Variants in RBMS2 observed in about 807,000 individuals in gnomAD.
RBMS2 encodes the protein RNA binding motif single stranded interacting protein 2.
In RBMS2, 38 loss-of-function variants were observed where a neutral mutation model predicts 58.4. The observed-to-expected ratio is 0.65, with a 90% CI of 0.50 to 0.85. RBMS2 has a LOEUF of 0.85. Ranked by LOEUF, RBMS2 falls within the 40% of genes least tolerant of loss-of-function variation. RBMS2 has a pLI of 0.00. For synonymous variants in RBMS2, 151 were observed against 180.7 expected, an observed-to-expected ratio of 0.84 and a Z score of 1.32; for missense variants, 367 against 503.7, an observed-to-expected ratio of 0.73 and a Z score of 2.60.
Position 56,581,280 on chromosome 12 carries a change from T to G in RBMS2, c.622+17T>G, listed in dbSNP as rs764403849. The G allele has an allele frequency of 8.2e-6, 13 of 1,592,300 alleles. No homozygotes were observed. In the Admixed American group the frequency reaches 2.2e-4, roughly 27 times the overall value. ...GAGTACCAGGTGAGGCATCTGGGGCTCAGGCTGAGAGGGCCACAGGTTGTT... is the reference window on the plus strand; with the variant it reads ...GAGTACCAGGTGAGGCATCTGGGGCGCAGGCTGAGAGGGCCACAGGTTGTT... On this transcript the variant is annotated intron_variant, in intron 6 of 13. Transcript: ENST00000262031.
chr12:56,523,235 A>G (rs1490899368), intron 1 of RBMS2, among the ~76,000 whole-genome samples: 1 of 152,182 alleles, frequency 6.6e-6, no homozygotes, highest in African/African-American at 2.4e-5. Flanking sequence ...AGAGGATACA[A>G]AGTAGTAGAT....
intron 9 of RBMS2, among the ~76,000 whole-genome samples, chr12:56,584,974 C>T (rs1592508190): frequency 6.6e-6 from 1 of 152,080 alleles, no homozygotes; most frequent in African/African-American, 2.4e-5. Flanking sequence ...CAGGCATATG[C>T]CACCATGCCT....
At chr12:56,578,552 G>A (rs1179388518) in intron 5 of RBMS2, among the ~76,000 whole-genome samples, 2 of 152,200 alleles carry the variant, frequency 1.3e-5, no homozygotes, top group African/African-American at 2.4e-5. Context: ...GTTTATTACT[G>A]TAACAAGGGA....
At position 56,593,287 on chromosome 12, in the gene RBMS2, CTGGGACT is replaced by C. The variant is rs1885437867; in HGVS notation, c.*4155_*4161del. ...CACCCCTTCCCCGGCCACCAAGTAG[CTGGGACT>C]ATGGGCTTGTGCCACCATGCCTGGC... On this transcript the variant is annotated 3_prime_UTR_variant, in exon 14 of 14. Coordinates refer to ENST00000262031, the MANE Select transcript of RBMS2 (RefSeq NM_002898.4). The C allele has an allele frequency of 1.3e-5, 2 of 152,180 alleles. No individual in the cohort carries two copies. Among genetic ancestry groups the C allele is most frequent in the African/African-American group, 2.4e-5 (1 of 41,362 alleles). 9.4% of individuals were successfully genotyped at this position (152,180 alleles called of 1,614,324 possible).
At position 56,562,441 on chromosome 12, in the gene RBMS2, A is replaced by T. The variant is rs773548497; in HGVS notation, c.91A>T (p.Met31Leu). The T allele has an allele frequency of 6.2e-7, 1 of 1,606,882 alleles. No homozygotes were observed. The highest frequency in any genetic ancestry group is 2.2e-5 in the East Asian group (1 of 44,834). ...GCCATATGTGTCATTGGCTCAGCAG[A>T]TGGCACCACCTAGCCCAAGCAACAG... ...KKPYVSLAQQMAPPSPSNSTP... is the reference protein window; with the variant it reads ...KKPYVSLAQQLAPPSPSNSTP... Residue 31 changes from methionine to leucine, a missense_variant, in exon 2 of 14, where the codon ATG becomes TTG. Around this residue, in one of 3 missense-constraint regions of RBMS2, gnomAD observed 93 missense variants for 132.2 expected, o/e 0.70. Transcript: ENST00000262031.
intron 3 of RBMS2, 105 bp from the exon 4 acceptor site, chr12:56,569,793 AT>A: frequency 1.0e-6 from 1 of 979,138 alleles, no homozygotes; most frequent in Non-Finnish European, 1.6e-6. Context: ...TCTCCCTCCC[AT>A]TTCTGTTACA....
intron 1 of RBMS2, among the ~76,000 whole-genome samples, chr12:56,528,701 C>T (rs1592317473): frequency 1.3e-5 from 2 of 152,078 alleles, no homozygotes; most frequent in Admixed American, 6.6e-5. Context: ...AATATCTCCT[C>T]GGCACCGTGT....
intron 1 of RBMS2, among the ~76,000 whole-genome samples, chr12:56,552,117 T>C (rs189670983): frequency 3.0e-4 from 45 of 152,328 alleles, no homozygotes; most frequent in African/African-American, 1.1e-3. Flanking sequence ...TCTTGAAGTA[T>C]GATTTATTAA....
chr12:56,581,117 C>T, intron 5 of RBMS2, 67 bp from the exon 6 acceptor site: 4 of 1,330,064 alleles, frequency 3.0e-6, no homozygotes, highest in Non-Finnish European at 3.2e-6. Context: ...GCTTTGCTTT[C>T]TCTTTCAATG....
intron 2 of RBMS2, among the ~76,000 whole-genome samples, chr12:56,568,256 T>G (rs1881700839): frequency 6.6e-6 from 1 of 152,192 alleles, no homozygotes; most frequent in Non-Finnish European, 1.5e-5. Flanking sequence ...ATAGGATCAG[T>G]GGTGTTTTCC....
At chr12:56,550,184 T>A (rs1877989134) in intron 1 of RBMS2, among the ~76,000 whole-genome samples, 2 of 152,144 alleles carry the variant, frequency 1.3e-5, no homozygotes, top group African/African-American at 2.4e-5. Flanking sequence ...GTCAGGGTTA[T>A]TAGAAGACAT....
intron 1 of RBMS2, among the ~76,000 whole-genome samples, chr12:56,529,243 T>C (rs1300890151): frequency 6.6e-6 from 1 of 152,098 alleles, no homozygotes. Flanking sequence ...TGAAATATTA[T>C]TCAACAATAA....
intron 1 of RBMS2, among the ~76,000 whole-genome samples, chr12:56,522,416 T>C (rs1417011812): frequency 6.6e-6 from 1 of 152,168 alleles, no homozygotes; most frequent in Admixed American, 6.6e-5. Flanking sequence ...ATATGTCATT[T>C]CAGACCCTGT....
At chr12:56,551,166 T>G (rs1878211715) in intron 1 of RBMS2, among the ~76,000 whole-genome samples, 1 of 151,566 alleles carries the variant, frequency 6.6e-6, no homozygotes, top group Admixed American at 6.6e-5. Context: ...TGCTCTAACA[T>G]CCATCAATTT....
intron 10 of RBMS2, 120 bp from the exon 11 acceptor site, chr12:56,587,434 C>T (rs1592515509): frequency 1.9e-6 from 2 of 1,079,556 alleles, no homozygotes; most frequent in East Asian, 5.3e-5. Context: ...TTGCTGCTCA[C>T]TTACCATTTC....
intron 1 of RBMS2, among the ~76,000 whole-genome samples, chr12:56,551,338 CAT>C (rs1298330839): frequency 6.6e-6 from 1 of 152,098 alleles, no homozygotes; most frequent in Non-Finnish European, 1.5e-5. Flanking sequence ...CTGTGCCCCT[CAT>C]GATTTCAAGA....
At chr12:56,581,054 CTG>C (rs1883873836) in intron 5 of RBMS2, 128 bp from the exon 6 acceptor site, 3 of 787,062 alleles carry the variant, frequency 3.8e-6, no homozygotes, top group Non-Finnish European at 6.5e-6. Context: ...GGCAGACACT[CTG>C]TGTTTCTGTA....
At chr12:56,573,324 A>G (rs143969006) in intron 5 of RBMS2, 7,433 of 345,846 alleles carry the variant, frequency 0.021, 112 homozygotes, top group Middle Eastern at 0.047. Flanking sequence ...TAAAAATACA[A>G]AAATTAGCTG....
At position 56,568,090 on chromosome 12, in the gene RBMS2, G is replaced by T. The variant is rs558894608; in HGVS notation, c.234-885G>T. 7.9e-5 allele frequency among the ~76,000 whole-genome samples: 12 copies of T among 152,294 alleles called. 1 individual carries two copies. In the South Asian group the frequency reaches 1.4e-3, roughly 18 times the overall value. On this transcript the variant is annotated intron_variant, in intron 2 of 13. Coordinates refer to ENST00000262031, the MANE Select transcript of RBMS2 (RefSeq NM_002898.4). ...GATGATGAGGCTGAGACACCAAAAG[G>T]TTCAATGACTTGTTCAAGATCACGC...
Sources: gnomAD v4.1 joint callset for allele counts (sites outside exome capture counted in the v4.1 genomes callset) on GRCh38, gnomAD v4.1.1 for gene constraint, gnomAD v4.1.1 regional missense constraint, MANE v1.5 for transcripts, NCBI Gene and HGNC (gene_info 2026-07-23, HGNC 2026-07-21) for gene names.